Variants in STXBP2 observed in about 807,000 individuals in gnomAD.
STXBP2 encodes the protein syntaxin binding protein 2, also known as syntaxin-binding protein 2.
Under a neutral mutation model 72.2 loss-of-function variants are expected in STXBP2, and 47 were observed. The observed-to-expected ratio is 0.65, with a 90% CI of 0.51 to 0.83. STXBP2 has a LOEUF of 0.83. Among genes scored for constraint, STXBP2 ranks in the 40% least tolerant of loss-of-function variants. The pLI, the probability that STXBP2 is intolerant of heterozygous loss-of-function variation, is 0.00. For missense variants in STXBP2, 702 were observed against 807.6 expected (o/e 0.87, Z 1.58); for synonymous variants, 367 against 338.7 (o/e 1.08, Z -0.92).
upstream of STXBP2, chr19:7,632,814 T>C: frequency 6.4e-7 from 1 of 1,555,710 alleles, no homozygotes; most frequent in Non-Finnish European, 8.7e-7. This position sits in a 1 kb window ranked among gnomAD's most constrained non-coding sequence, Gnocchi z 5.2. Flanking sequence ...GAAGCCCTCC[T>C]GGTCTGGGGA....
chr19:7,645,730 C>T (rs1392960819), intron 15 of STXBP2, among the ~76,000 whole-genome samples: 1 of 151,990 alleles, frequency 6.6e-6, no homozygotes. Flanking sequence ...CCTCTCCTGT[C>T]TCTCTCTGGC....
rs893364850 is a variant in STXBP2, at chr19:7,641,930, T to C, written c.578+77T>C. ...GCAACACCTAACCTTTAACCTCTCT[T>C]GTGACCCCAGCCCCGGCCCTACCCT... On this transcript the variant is annotated intron_variant, in intron 7 of 18. Coordinates refer to ENST00000221283, the MANE Select transcript of STXBP2 (RefSeq NM_006949.4). 2.0e-6 allele frequency: 3 copies of C among 1,527,214 alleles called. No homozygotes were observed. The African/African-American group carries it at 4.2e-5, about 21-fold the overall frequency. 94.6% of individuals were successfully genotyped at this position (1,527,214 alleles called of 1,614,324 possible). A position where few individuals can be genotyped will look rare whatever the true frequency, so the allele number is the denominator to read the frequency against.
upstream of STXBP2, chr19:7,632,255 T>C: frequency 7.5e-7 from 1 of 1,340,482 alleles, no homozygotes. The surrounding 1 kb of genome is among the most constrained non-coding windows in gnomAD (Gnocchi z 5.2). Flanking sequence ...GCCTGGGCCT[T>C]GGTCCTCCCA....
chr19:7,638,635 G>A, intron 1 of STXBP2, 91 bp from the exon 2 acceptor site: 1 of 1,326,978 alleles, frequency 7.5e-7, no homozygotes, highest in African/African-American at 1.5e-5. Flanking sequence ...TGGGAATTAA[G>A]ATGGGGGTTC....
At chr19:7,642,000 T>A (rs201607478) in intron 7 of STXBP2, 34 bp from the exon 8 acceptor site, 1 of 1,612,622 alleles carries the variant, frequency 6.2e-7, no homozygotes, top group African/African-American at 1.3e-5. Flanking sequence ...CCCCATCCCC[T>A]GATGATGTCC....
In STXBP2 at chr19:7,641,777, C is replaced by T; in HGVS notation, c.502C>T (p.Gln168Ter). Reference sequence around the variant, plus strand: ...CTTCCGGGCAGAGGAGCGCACGCGGCAGCTCGAGGTGCTGGCCCAGCAGAT... The same window carrying T: ...CTTCCGGGCAGAGGAGCGCACGCGGTAGCTCGAGGTGCTGGCCCAGCAGAT... ...CPFRAEERTR[Q>*]LEVLAQQIAT... is the part of the protein sequence containing the mutation. Residue 168 changes from glutamine to a stop codon, truncating the protein, a stop_gained, in exon 7 of 19, where the codon CAG becomes TAG. Coordinates refer to ENST00000221283, the MANE Select transcript of STXBP2 (RefSeq NM_006949.4). LOFTEE classifies it high-confidence loss of function. The T allele has an allele frequency of 6.4e-7, 1 of 1,551,816 alleles. No homozygotes were observed. Among genetic ancestry groups the T allele is most frequent in the Non-Finnish European group, 8.7e-7 (1 of 1,147,714 alleles).
intron 15 of STXBP2, 76 bp downstream of exon 15, chr19:7,645,382 C>A: frequency 7.2e-7 from 1 of 1,387,720 alleles, no homozygotes; most frequent in Non-Finnish European, 1.0e-6. Context: ...GGCAGAGGGC[C>A]ATTGGTGCAC....
intron 16 of STXBP2, chr19:7,646,586 A>G (rs1263177764): frequency 1.7e-6 from 1 of 598,910 alleles, no homozygotes; most frequent in African/African-American, 1.8e-5. Context: ...CCTCCGCTAT[A>G]TCTCTCTAGT....
rs753358551 is a variant in STXBP2, at chr19:7,647,782, A to G, written c.1754A>G (p.Lys585Arg). ...RFLDDLKALD[K>R]KLEDIALP ...CTGGATGACCTGAAGGCACTGGACA[A>G]GAAGCTGGAGGACATTGCCCTGCCC... Residue 585 changes from lysine (K) to arginine (R), a missense_variant, in exon 19 of 19, where the codon AAG becomes AGG. By Grantham distance (26) the Lys-to-Arg change is conservative (BLOSUM62 2). Coordinates refer to ENST00000221283, the MANE Select transcript of STXBP2 (RefSeq NM_006949.4). The G allele has an allele frequency of 6.2e-7, 1 of 1,613,970 alleles. No individual in the cohort carries two copies. The highest frequency in any genetic ancestry group is 8.5e-7 in the Non-Finnish European group (1 of 1,179,978).
At chr19:7,640,396 GTGTA>G (rs2146211730) in intron 4 of STXBP2, 1 of 592,152 alleles carries the variant, frequency 1.7e-6, no homozygotes, top group Non-Finnish European at 3.1e-6. Flanking sequence ...GTCTGCATGT[GTGTA>G]TATGTGTGTA....
the STXBP2 span, chr19:7,631,785 C>T: frequency 1.4e-6 from 2 of 1,416,918 alleles, no homozygotes; most frequent in Admixed American, 5.4e-5. Flanking sequence ...GACTGAGGGT[C>T]CCAGCTCGTT....
chr19:7,641,173 T>C lies in STXBP2; in HGVS notation c.429+170T>C, dbSNP rs115284847. 2.6e-3 allele frequency: 1,900 copies of C among 734,228 alleles called. 21 individuals carry two copies. The African/African-American group carries it at 0.028, about 11-fold the overall frequency. 45.5% of individuals were successfully genotyped at this position (734,228 alleles called of 1,614,324 possible). A position where few individuals can be genotyped will look rare whatever the true frequency, so the allele number is the denominator to read the frequency against. On this transcript the variant is annotated intron_variant, in intron 6 of 18. Coordinates refer to ENST00000221283, the MANE Select transcript of STXBP2 (RefSeq NM_006949.4). ...TGGGGCCAGGAGTTTGAGACCAGCCTGGGTACAGAGCAAGACCCCGTCTCT... is the reference window on the plus strand; with the variant it reads ...TGGGGCCAGGAGTTTGAGACCAGCCCGGGTACAGAGCAAGACCCCGTCTCT...
At chr19:7,633,654 C>T (rs1021121878), upstream of STXBP2, 29 of 604,436 alleles carry the variant, frequency 4.8e-5, no homozygotes, top group Non-Finnish European at 3.7e-5. Context: ...GATGCTGGAT[C>T]TGGCATGGTG....
At chr19:7,632,870 TG>T, upstream of STXBP2, 3 of 1,535,802 alleles carry the variant, frequency 2.0e-6, no homozygotes, top group Non-Finnish European at 1.7e-6. The surrounding 1 kb of genome is among the most constrained non-coding windows in gnomAD (Gnocchi z 5.2). Context: ...CCCTTCAGCT[TG>T]GGGGCCCCTC....
upstream of STXBP2, among the ~76,000 whole-genome samples, chr19:7,635,584 T>C (rs2031495283): frequency 6.6e-6 from 1 of 152,158 alleles, no homozygotes; most frequent in African/African-American, 2.4e-5. Context: ...TAGTCCCAGC[T>C]ACTTGGGTGG....
chr19:7,641,671 G>A (rs754228662), intron 6 of STXBP2, 34 bp from the exon 7 acceptor site: 3 of 1,550,040 alleles, frequency 1.9e-6, no homozygotes, highest in Non-Finnish European at 8.7e-7. Context: ...ACCTGCAGCG[G>A]CAACCCTGGT....
chr19:7,632,630 T>A, upstream of STXBP2: 4 of 1,578,306 alleles, frequency 2.5e-6, no homozygotes, highest in South Asian at 4.5e-5. The surrounding 1 kb of genome is among the most constrained non-coding windows in gnomAD (Gnocchi z 5.2). Context: ...CCACATCCCG[T>A]GCCCCCAGGC....
Position 7,643,265 on chromosome 19 carries a change from G to T in STXBP2, c.1107+20G>T. 3.7e-6 allele frequency: 6 copies of T among 1,612,230 alleles called. No individual in the cohort carries two copies. The highest frequency in any genetic ancestry group is 5.1e-6 in the Non-Finnish European group (6 of 1,179,536). On this transcript the variant is annotated intron_variant, in intron 13 of 18. Coordinates refer to ENST00000221283, the MANE Select transcript of STXBP2 (RefSeq NM_006949.4). The stretch of plus-strand genomic sequence containing the variant: ...GAGCAGGTGGGGCAGGGCTTGCGGG[G>T]GGCAGGGGTGATGGTCCTGCCAAGG...
At chr19:7,630,632 G>A in the STXBP2 span, 1 of 1,537,218 alleles carries the variant, frequency 6.5e-7, no homozygotes, top group South Asian at 1.2e-5. Flanking sequence ...AGGCCGAGTG[G>A]TTTGAGGACG....
Sources: gnomAD v4.1 joint callset for allele counts (sites outside exome capture counted in the v4.1 genomes callset) on GRCh38, gnomAD v4.1.1 for gene constraint, Gnocchi (gnomAD v3.1) non-coding constraint, MANE v1.5 for transcripts, NCBI Gene and HGNC (gene_info 2026-07-23, HGNC 2026-07-21) for gene names.